Variants in TMEM266 observed in about 807,000 individuals in gnomAD.
The protein encoded by TMEM266 is transmembrane protein 266.
A neutral mutation model predicts 50.5 loss-of-function variants in TMEM266; 33 were observed. The ratio of observed to expected loss-of-function variants is 0.65; its 90% CI spans 0.50 to 0.87. The LOEUF (loss-of-function observed/expected upper bound fraction) is 0.87, where lower values mean the gene tolerates loss of function less well. Among genes scored for constraint, TMEM266 ranks in the 40% least tolerant of loss-of-function variants. The probability of loss-of-function intolerance (pLI) is 0.00; values close to 1 mark genes in which losing one functional copy is unlikely to be tolerated. For synonymous variants in TMEM266, 310 were observed against 292.3 expected, an observed-to-expected ratio of 1.06 and a Z score of -0.62; for missense variants, 655 against 695.1, an observed-to-expected ratio of 0.94 and a Z score of 0.65.
At chr15:76,105,645 A>G (rs1192625507) in intron 1 of TMEM266, among the ~76,000 whole-genome samples, 2 of 152,234 alleles carry the variant, frequency 1.3e-5, no homozygotes, top group African/African-American at 4.8e-5. Context: ...AAAAACAGGC[A>G]GTGGGCTGGT....
intron 8 of TMEM266, among the ~76,000 whole-genome samples, chr15:76,177,854 G>C (rs2038316508): frequency 1.3e-5 from 2 of 152,238 alleles, no homozygotes; most frequent in Admixed American, 1.3e-4. Flanking sequence ...TGACTCAGGG[G>C]GTTTGGCAGC....
intron 1 of TMEM266, among the ~76,000 whole-genome samples, chr15:76,060,368 G>A (rs1004322316): frequency 6.6e-6 from 1 of 150,464 alleles, no homozygotes; most frequent in Admixed American, 6.6e-5. Flanking sequence ...GGAGGGGGGG[G>A]TTGCTGCTGG....
At chr15:76,069,807 G>C (rs1160632116) in intron 1 of TMEM266, among the ~76,000 whole-genome samples, 1 of 151,716 alleles carries the variant, frequency 6.6e-6, no homozygotes, top group East Asian at 1.9e-4. Flanking sequence ...AGCCGAGTGA[G>C]GCTCTGTCTC....
chr15:76,185,856 C>T lies in TMEM266; in HGVS notation c.769-6112C>T, dbSNP rs574102306. On this transcript the variant is annotated intron_variant, in intron 8 of 10. Coordinates refer to ENST00000388942, the MANE Select transcript of TMEM266 (RefSeq NM_152335.3). ...ATTCCCTCCAGGTGGGGTCCTGGAG[C>T]TGGTACAGAGCTCGTCATTGACTTG... Among the ~76,000 whole-genome samples the T allele has an allele frequency of 3.9e-5, 6 of 152,286 alleles. No individual in the cohort carries two copies. In the South Asian group the frequency reaches 1.2e-3, roughly 32 times the overall value.
chr15:76,140,092 G>C (rs561102580), intron 3 of TMEM266, among the ~76,000 whole-genome samples: 1 of 152,228 alleles, frequency 6.6e-6, no homozygotes, highest in African/African-American at 2.4e-5. Flanking sequence ...CAAATGAAGC[G>C]CCTGCAAGGC....
At chr15:76,199,030 T>C (rs1293156071) in intron 9 of TMEM266, among the ~76,000 whole-genome samples, 2 of 126,288 alleles carry the variant, frequency 1.6e-5, no homozygotes, top group Non-Finnish European at 3.5e-5. Context: ...GCAAGTAATC[T>C]AATTCATTGA....
intron 1 of TMEM266, among the ~76,000 whole-genome samples, chr15:76,083,334 C>T (rs2036724360): frequency 6.6e-6 from 1 of 150,508 alleles, no homozygotes; most frequent in Non-Finnish European, 1.5e-5. Context: ...ACTATTAATA[C>T]CAGTTTTCCT....
intron 3 of TMEM266, among the ~76,000 whole-genome samples, chr15:76,150,266 C>A (rs144625309): frequency 3.3e-5 from 5 of 152,308 alleles, no homozygotes; most frequent in Non-Finnish European, 7.4e-5. Context: ...CTAGCAGAGC[C>A]TTCCTGAAGG....
chr15:76,153,801 G>A lies in TMEM266; in HGVS notation c.228-2803G>A, dbSNP rs1013558806. On this transcript the variant is annotated intron_variant, in intron 3 of 10. Coordinates refer to ENST00000388942, the MANE Select transcript of TMEM266 (RefSeq NM_152335.3). This position sits in a 1 kb window ranked among gnomAD's most constrained non-coding sequence, Gnocchi z 4.2. ...GGAAGGAAGAATCAGGAGGTGAGGA[G>A]GGTGGCCAAGTGATGATAGCCAAAG... is the stretch of plus-strand genomic sequence containing the variant. Among the ~76,000 whole-genome samples the A allele has an allele frequency of 2.0e-5, 3 of 152,138 alleles. No homozygotes were observed. Among genetic ancestry groups the A allele is most frequent in the Non-Finnish European group, 4.4e-5 (3 of 68,010 alleles).
intron 3 of TMEM266, among the ~76,000 whole-genome samples, chr15:76,147,633 G>A (rs1336236673): frequency 1.3e-5 from 2 of 152,132 alleles, no homozygotes; most frequent in East Asian, 1.9e-4. Flanking sequence ...CCCCAACAAC[G>A]GAATAAAAGT....
In TMEM266 at chr15:76,101,140, G is replaced by A. The variant is rs138266045; in HGVS notation, c.-96-33028G>A. ...TAGATGATGGCTGGGTGAATGGAAG[G>A]ATGAATTAGTGACTTTCCCAGGATC... is the stretch of plus-strand genomic sequence containing the variant. On this transcript the variant is annotated intron_variant, in intron 1 of 10. Transcript: ENST00000388942. 2.9e-3 allele frequency among the ~76,000 whole-genome samples: 445 copies of A among 152,258 alleles called. 3 individuals carry two copies. Among genetic ancestry groups the A allele is most frequent in the African/African-American group, 9.9e-3 (411 of 41,552 alleles).
At chr15:76,162,171 A>G (rs904065443) in intron 5 of TMEM266, among the ~76,000 whole-genome samples, 25 of 152,134 alleles carry the variant, frequency 1.6e-4, no homozygotes, top group African/African-American at 5.6e-4. Context: ...CTGGGGAGGA[A>G]GGGCTGGCTC....
At chr15:76,135,875 G>A (rs569750881) in intron 2 of TMEM266, among the ~76,000 whole-genome samples, 9 of 151,992 alleles carry the variant, frequency 5.9e-5, no homozygotes, top group East Asian at 3.9e-4. Context: ...CTTAGTTATC[G>A]GATAATCCAA....
chr15:76,203,848 C>T lies in TMEM266; in HGVS notation c.1129C>T (p.Leu377Phe). The T allele has an allele frequency of 6.2e-7, 1 of 1,614,232 alleles. No homozygotes were observed. Among genetic ancestry groups the T allele is most frequent in the Non-Finnish European group, 8.5e-7 (1 of 1,180,046 alleles). The change falls in exon 11 of 11, where the codon CTC becomes TTC. Residue 377 changes from leucine (L) to phenylalanine (F), a missense_variant. Leu to Phe is a conservative substitution (Grantham distance 22). Around this residue, in one of 3 missense-constraint regions of TMEM266, gnomAD observed 455 missense variants for 401.8 expected, o/e 1.13. Transcript: ENST00000388942. Reference sequence around the variant, plus strand: ...CTTCTCTCTGGACATGCCCCTCAAACTCGGCGGTAATGGCACCAGCGCCAC... The same window carrying T: ...CTTCTCTCTGGACATGCCCCTCAAATTCGGCGGTAATGGCACCAGCGCCAC...
chr15:76,185,174 TG>T (rs2038475047), intron 8 of TMEM266, among the ~76,000 whole-genome samples: 1 of 152,214 alleles, frequency 6.6e-6, no homozygotes, highest in Non-Finnish European at 1.5e-5. Flanking sequence ...TTATTAGATT[TG>T]GGAAGTTCTT....
At position 76,108,377 on chromosome 15, in the gene TMEM266, T is replaced by C. The variant is rs530238370; in HGVS notation, c.-96-25791T>C. Among the ~76,000 whole-genome samples the C allele has an allele frequency of 3.3e-5, 5 of 152,296 alleles. No homozygotes were observed. The East Asian group carries it at 5.8e-4, about 18-fold the overall frequency. ...ACAGGGTCACAAGAAATGTCATAGA[T>C]TGTAGAAGCTTAGAACTGAAAGGGA... On this transcript the variant is annotated intron_variant, in intron 1 of 10. Coordinates refer to ENST00000388942, the MANE Select transcript of TMEM266 (RefSeq NM_152335.3).
At chr15:76,119,275 T>C (rs2037300711) in intron 1 of TMEM266, among the ~76,000 whole-genome samples, 1 of 151,560 alleles carries the variant, frequency 6.6e-6, no homozygotes, top group Non-Finnish European at 1.5e-5. Flanking sequence ...TTGTACCCAC[T>C]CTACTTGCCA....
chr15:76,136,240 G>C (rs1382567301), intron 2 of TMEM266, among the ~76,000 whole-genome samples: 1 of 152,156 alleles, frequency 6.6e-6, no homozygotes, highest in East Asian at 1.9e-4. Flanking sequence ...ACCATGCCCG[G>C]CCTGCAGCTG....
At chr15:76,156,158 C>T (rs756203426) in intron 3 of TMEM266, among the ~76,000 whole-genome samples, 2 of 152,082 alleles carry the variant, frequency 1.3e-5, no homozygotes, top group East Asian at 1.9e-4. Context: ...GTCAGGAGTT[C>T]GAGACCAGCC....
Sources: gnomAD v4.1 joint callset for allele counts (sites outside exome capture counted in the v4.1 genomes callset) on GRCh38, gnomAD v4.1.1 for gene constraint, gnomAD v4.1.1 regional missense constraint, Gnocchi (gnomAD v3.1) non-coding constraint, MANE v1.5 for transcripts, NCBI Gene and HGNC (gene_info 2026-07-23, HGNC 2026-07-21) for gene names.